The following FOXK1 variants were observed in gnomAD, a reference collection of about 807,000 sequenced individuals.
The protein encoded by FOXK1 is forkhead box K1.
Under a neutral mutation model 51.9 loss-of-function variants are expected in FOXK1, and 19 were observed. The observed-to-expected ratio is 0.37, with a 90% confidence interval of 0.26 to 0.54. The LOEUF (loss-of-function observed/expected upper bound fraction) is 0.54, where lower values mean the gene tolerates loss of function less well. Ranked by LOEUF, FOXK1 falls within the 20% of genes least tolerant of loss-of-function variation. The probability of loss-of-function intolerance (pLI) is 0.87; values close to 1 mark genes in which losing one functional copy is unlikely to be tolerated. For synonymous variants in FOXK1, 537 were observed against 482.6 expected, an observed-to-expected ratio of 1.11 and a Z score of -1.48; for missense variants, 870 against 1,032.7, an observed-to-expected ratio of 0.84 and a Z score of 2.16.
At chr7:4,706,772 C>T (rs900671467) in intron 1 of FOXK1, among the ~76,000 whole-genome samples, 1 of 152,220 alleles carries the variant, frequency 6.6e-6, no homozygotes, top group Non-Finnish European at 1.5e-5. Context: ...GGCATGATTT[C>T]CTTTGTCAGT....
At chr7:4,736,101 A>G (rs1780549173) in intron 1 of FOXK1, among the ~76,000 whole-genome samples, 1 of 152,094 alleles carries the variant, frequency 6.6e-6, no homozygotes, top group Non-Finnish European at 1.5e-5. Flanking sequence ...GTGAGCCGAG[A>G]TCGCACCACT....
rs1780145807 is a variant in FOXK1, at chr7:4,709,368, G to A, written c.560+26500G>A. On this transcript the variant is annotated intron_variant, in intron 1 of 8. Transcript: ENST00000328914. This position sits in a 1 kb window ranked among gnomAD's most constrained non-coding sequence, Gnocchi z 5.6. ...GTCACGTTGCTGCGTCCACGAGCCT[G>A]GCTTCCGCTTCCATTCTCAGGGTCT... 6.6e-6 allele frequency among the ~76,000 whole-genome samples: 1 copy of A among 152,188 alleles called. No homozygotes were observed. The highest frequency in any genetic ancestry group is 2.4e-5 in the African/African-American group (1 of 41,452).
chr7:4,716,579 C>T (rs944154678), intron 1 of FOXK1, among the ~76,000 whole-genome samples: 4 of 152,162 alleles, frequency 2.6e-5, no homozygotes, highest in Non-Finnish European at 4.4e-5. Context: ...GTGGGAGGGG[C>T]CCCAGACATG....
chr7:4,713,467 G>C (rs189441979), intron 1 of FOXK1, among the ~76,000 whole-genome samples: 1 of 151,342 alleles, frequency 6.6e-6, no homozygotes, highest in Non-Finnish European at 1.5e-5. Flanking sequence ...CCCTAAACAA[G>C]AGAATTTGCA....
In FOXK1 at chr7:4,756,929, T is replaced by G; in HGVS notation, c.1051-65T>G. 6.4e-7 allele frequency: 1 copy of G among 1,554,650 alleles called. No individual in the cohort carries two copies. The highest frequency in any genetic ancestry group is 8.8e-7 in the Non-Finnish European group (1 of 1,141,628). On this transcript the variant is annotated intron_variant, in intron 4 of 8. Coordinates refer to ENST00000328914, the MANE Select transcript of FOXK1 (RefSeq NM_001037165.2). This position sits in a 1 kb window ranked among gnomAD's most constrained non-coding sequence, Gnocchi z 4.1. Reference sequence around the variant, plus strand: ...CCCTGGTCCCGCATCTGCTGCAGATTTGAGGTGGGTGGGACTCATTTTCTG... The same window carrying G: ...CCCTGGTCCCGCATCTGCTGCAGATGTGAGGTGGGTGGGACTCATTTTCTG...
In FOXK1 at chr7:4,762,679, G is replaced by A. The variant is rs1016223349; in HGVS notation, c.*215G>A. ...CATAAACAAGTTCAGACAACTGATT[G>A]TATGATTCTGGGAATTCTTTGCTTT... is the stretch of plus-strand genomic sequence containing the variant. On this transcript the variant is annotated 3_prime_UTR_variant, in exon 9 of 9. Coordinates refer to ENST00000328914, the MANE Select transcript of FOXK1 (RefSeq NM_001037165.2). This position sits in a 1 kb window ranked among gnomAD's most constrained non-coding sequence, Gnocchi z 5.7. The A allele has an allele frequency of 7.0e-6, 4 of 573,062 alleles. No individual in the cohort carries two copies. Among genetic ancestry groups the A allele is most frequent in the Middle Eastern group, 4.6e-4 (1 of 2,178 alleles). 35.5% of individuals were successfully genotyped at this position (573,062 alleles called of 1,614,324 possible). A position where few individuals can be genotyped will look rare whatever the true frequency, so the allele number is the denominator to read the frequency against.
rs2115082966 is a variant in FOXK1 at position 4,767,578 on chromosome 7, C to T, written c.*5114C>T. On this transcript the variant is annotated 3_prime_UTR_variant, in exon 9 of 9. Transcript: ENST00000328914. The surrounding 1 kb of genome is among the most constrained non-coding windows in gnomAD (Gnocchi z 6.6). Reference sequence around the variant, plus strand: ...AGACGGGACTCAGCTCCAGAGGTTCCTGGGTAATGTATTGTGGCTCTTGGA... The same window carrying T: ...AGACGGGACTCAGCTCCAGAGGTTCTTGGGTAATGTATTGTGGCTCTTGGA... The T allele has an allele frequency of 6.6e-6, 1 of 152,362 alleles. No individual in the cohort carries two copies. The highest frequency in any genetic ancestry group is 1.9e-4 in the East Asian group (1 of 5,190). 9.4% of individuals were successfully genotyped at this position (152,362 alleles called of 1,614,324 possible).
At chr7:4,710,213 C>CA (rs1416595430) in intron 1 of FOXK1, among the ~76,000 whole-genome samples, 1 of 152,232 alleles carries the variant, frequency 6.6e-6, no homozygotes, top group Non-Finnish European at 1.5e-5. Context: ...GCAAACAACA[C>CA]AAATGCCTGC....
intron 5 of FOXK1, among the ~76,000 whole-genome samples, chr7:4,757,670 A>G (rs1780874045): frequency 6.7e-6 from 1 of 150,136 alleles, no homozygotes; most frequent in Admixed American, 6.7e-5. Flanking sequence ...AAAAAGTAAT[A>G]CAAATGAAAC....
Position 4,743,784 on chromosome 7 carries a change from G to A in FOXK1, c.746+2761G>A, listed in dbSNP as rs768519485. Among the ~76,000 whole-genome samples the A allele has an allele frequency of 7.2e-5, 11 of 152,176 alleles. No homozygotes were observed. The highest frequency in any genetic ancestry group is 1.9e-4 in the East Asian group (1 of 5,196). On this transcript the variant is annotated intron_variant, in intron 2 of 8. Transcript: ENST00000328914. The surrounding 1 kb of genome is among the most constrained non-coding windows in gnomAD (Gnocchi z 5.3). The stretch of plus-strand genomic sequence containing the variant: ...TCCAGAGAGAAGCAGGCCAGGCAGC[G>A]ATCCGGGGCTCCTGAGGAAGGGCTA...
Position 4,748,840 on chromosome 7 carries a change from G to A in FOXK1, c.747-5619G>A, listed in dbSNP as rs551290739. ...ACTACAGGTGTGCACCACCATGCCC[G>A]GCTAATTTTTGTATTTTTTGTAGAG... is the stretch of plus-strand genomic sequence containing the variant. On this transcript the variant is annotated intron_variant, in intron 2 of 8. Transcript: ENST00000328914. The surrounding 1 kb of genome is among the most constrained non-coding windows in gnomAD (Gnocchi z 4.9). Among the ~76,000 whole-genome samples the A allele has an allele frequency of 5.3e-4, 81 of 152,178 alleles. No homozygotes were observed. The highest frequency in any genetic ancestry group is 5.9e-4 in the Admixed American group (9 of 15,276).
chr7:4,719,843 T>A (rs1780286799), intron 1 of FOXK1, among the ~76,000 whole-genome samples: 1 of 152,214 alleles, frequency 6.6e-6, no homozygotes, highest in African/African-American at 2.4e-5. Context: ...GTGAAATACC[T>A]CCTCGTGTGT....
At chr7:4,705,683 C>G (rs1479908294) in intron 1 of FOXK1, among the ~76,000 whole-genome samples, 2 of 151,560 alleles carry the variant, frequency 1.3e-5, no homozygotes, top group Non-Finnish European at 2.9e-5. Flanking sequence ...ACTATACAGG[C>G]TTGTGCCACC....
In FOXK1 at chr7:4,755,331, C is replaced by G. The variant is rs912873549; in HGVS notation, c.998C>G (p.Ala333Gly). The G allele has an allele frequency of 1.2e-6, 2 of 1,613,796 alleles. No individual in the cohort carries two copies. The highest frequency in any genetic ancestry group is 3.3e-5 in the Admixed American group (2 of 60,020). The change falls in exon 4 of 9, where the codon GCC becomes GGC. Residue 333 changes from alanine to glycine, a missense_variant. Around this residue, in one of 3 missense-constraint regions of FOXK1, gnomAD observed 399 missense variants for 475.6 expected, o/e 0.84. Coordinates refer to ENST00000328914, the MANE Select transcript of FOXK1 (RefSeq NM_001037165.2). This position sits in a 1 kb window ranked among gnomAD's most constrained non-coding sequence, Gnocchi z 6.6. ...CAGCTGACCCTGAGCGGGATCTACGCCCACATCACCAAGCATTACCCCTAC... is the reference window on the plus strand; with the variant it reads ...CAGCTGACCCTGAGCGGGATCTACGGCCACATCACCAAGCATTACCCCTAC... The part of the protein sequence containing the change: ...DRQLTLSGIY[A>G]HITKHYPYYR...
At position 4,749,808 on chromosome 7, in the gene FOXK1, G is replaced by GCT. The variant is rs1780751629; in HGVS notation, c.747-4650_747-4649dup. ...TCTTAGGCTCTGGGGACGGAGCCCA[G>GCT]CTGGCGGCTCCAGAGGTGGCTTTAG... On this transcript the variant is annotated intron_variant, in intron 2 of 8. Coordinates refer to ENST00000328914, the MANE Select transcript of FOXK1 (RefSeq NM_001037165.2). The surrounding 1 kb of genome is among the most constrained non-coding windows in gnomAD (Gnocchi z 6.0). Among the ~76,000 whole-genome samples, 1 of 152,358 alleles carries GCT rather than the reference G, an allele frequency of 6.6e-6. No homozygotes were observed. Among genetic ancestry groups the GCT allele is most frequent in the African/African-American group, 2.4e-5 (1 of 41,592 alleles).
Position 4,711,656 on chromosome 7 carries a change from T to C in FOXK1, c.560+28788T>C, listed in dbSNP as rs74392612. ...GTGAGAATAATTACTAAGGGCGTCA[T>C]ACCCTCTCGTATCTGCATCACCCAT... On this transcript the variant is annotated intron_variant, in intron 1 of 8. Transcript: ENST00000328914. The surrounding 1 kb of genome is among the most constrained non-coding windows in gnomAD (Gnocchi z 6.3). 0.052 allele frequency among the ~76,000 whole-genome samples: 7,923 copies of C among 152,256 alleles called. 302 individuals carry two copies. Among genetic ancestry groups the C allele is most frequent in the Admixed American group, 0.12 (1,872 of 15,294 alleles).
chr7:4,744,116 G>A (rs1164455663), intron 2 of FOXK1, among the ~76,000 whole-genome samples: 1 of 152,110 alleles, frequency 6.6e-6, no homozygotes, highest in Non-Finnish European at 1.5e-5. Flanking sequence ...TTTGCTCCGG[G>A]AGGGGGCTTA....
Position 4,755,240 on chromosome 7 carries a change from G to T in FOXK1, c.907G>T (p.Glu303Ter). ...CGTGAGCCGTGTTTCTCCGCAGGAT[G>T]AGTCAAAGCCGCCGTTCTCCTACGC... is the stretch of plus-strand genomic sequence containing the variant. ...DTSGGDSPKD[E>*]SKPPFSYAQL... is the part of the protein sequence containing the mutation. Residue 303 changes from glutamate to a stop codon, truncating the protein, a stop_gained, in exon 4 of 9, where the codon GAG becomes TAG. Coordinates refer to ENST00000328914, the MANE Select transcript of FOXK1 (RefSeq NM_001037165.2). LOFTEE classifies it high-confidence loss of function. The surrounding 1 kb of genome is among the most constrained non-coding windows in gnomAD (Gnocchi z 6.6). 2 of 1,613,736 alleles carry T rather than the reference G, an allele frequency of 1.2e-6. No individual in the cohort carries two copies. Among genetic ancestry groups the T allele is most frequent in the Non-Finnish European group, 1.7e-6 (2 of 1,179,984 alleles).
intron 1 of FOXK1, among the ~76,000 whole-genome samples, chr7:4,689,872 C>T (rs563848518): frequency 5.9e-5 from 9 of 152,272 alleles, no homozygotes; most frequent in Admixed American, 3.3e-4. Flanking sequence ...CCTTAGGTGA[C>T]CCAGCGCCTG....
Sources: allele counts gnomAD v4.1 joint callset (sites outside exome capture counted in the v4.1 genomes callset), GRCh38; gene constraint gnomAD v4.1.1; regional missense constraint gnomAD v4.1.1; non-coding constraint Gnocchi (gnomAD v3.1); transcripts MANE v1.5; gene names NCBI Gene and HGNC (gene_info 2026-07-23, HGNC 2026-07-21).